Variants in FREM1 observed in about 807,000 individuals in gnomAD.
FREM1 encodes FRAS1 related extracellular matrix 1.
In FREM1, 220 loss-of-function variants were observed where a neutral mutation model predicts 210.1. The ratio of observed to expected loss-of-function variants is 1.05; its 90% CI spans 0.94 to 1.17. The LOEUF (loss-of-function observed/expected upper bound fraction) is 1.17, where lower values mean the gene tolerates loss of function less well. FREM1 is among the 50% of genes most tolerant of loss of function. The probability of loss-of-function intolerance (pLI) is 0.00; values close to 1 mark genes in which losing one functional copy is unlikely to be tolerated. For synonymous variants in FREM1, 1,189 were observed against 980.2 expected (o/e 1.21, Z -3.98); for missense variants, 3,454 against 2,675.5 (o/e 1.29, Z -6.42).
At chr9:14,824,535 C>T (rs1488245600) in intron 11 of FREM1, among the ~76,000 whole-genome samples, 1 of 152,070 alleles carries the variant, frequency 6.6e-6, no homozygotes, top group Non-Finnish European at 1.5e-5. Context: ...CATTGTCTTT[C>T]AAAAAGTGGA....
Position 14,805,103 on chromosome 9 carries a change from C to T in FREM1, c.3324G>A (p.Gln1108=), listed in dbSNP as rs1157928829. The change falls in exon 19 of 37, where the codon CAG becomes CAA. Residue 1108 remains glutamine, a synonymous_variant. Coordinates refer to ENST00000380880, the MANE Select transcript of FREM1 (RefSeq NM_001379081.2). ...DMNAFHINYV[Q]SRHLRIEPTA... ...TTGGTTCTATCCTCAGATGCCTGGACTGCACATAGTTAATGTGAAAAGCGT... is the reference window on the plus strand; with the variant it reads ...TTGGTTCTATCCTCAGATGCCTGGATTGCACATAGTTAATGTGAAAAGCGT... 2.5e-6 allele frequency: 4 copies of T among 1,610,450 alleles called. No individual in the cohort carries two copies. The Admixed American group carries it at 5.0e-5, about 20-fold the overall frequency.
At chr9:14,820,650 C>T (rs1373960458) in intron 13 of FREM1, among the ~76,000 whole-genome samples, 1 of 152,194 alleles carries the variant, frequency 6.6e-6, no homozygotes, top group Non-Finnish European at 1.5e-5. Context: ...CAAGGGCAGC[C>T]CCTTGCATCA....
chr9:14,751,047 T>A (rs1843278065), intron 29 of FREM1, among the ~76,000 whole-genome samples: 1 of 152,158 alleles, frequency 6.6e-6, no homozygotes, highest in African/African-American at 2.4e-5. Flanking sequence ...ACACAAAATA[T>A]TAAGACTGCA....
intron 1 of FREM1, among the ~76,000 whole-genome samples, chr9:14,888,594 A>G (rs60766447): frequency 0.14 from 21,689 of 152,212 alleles, 1,957 homozygotes; most frequent in Middle Eastern, 0.24. Context: ...CTTACACTAC[A>G]AGCCCAGGTT....
At chr9:14,842,062 T>C (rs1825785843) in intron 9 of FREM1, among the ~76,000 whole-genome samples, 1 of 152,176 alleles carries the variant, frequency 6.6e-6, no homozygotes, top group African/African-American at 2.4e-5. Flanking sequence ...TAATTTTTCA[T>C]AGTGTAATGG....
chr9:14,816,486 G>A (rs1415741988), intron 15 of FREM1, among the ~76,000 whole-genome samples: 1 of 152,104 alleles, frequency 6.6e-6, no homozygotes, highest in Non-Finnish European at 1.5e-5. Context: ...TGGGAGGTGG[G>A]AGGTTTATAG....
At chr9:14,786,214 A>C (rs906322166) in intron 23 of FREM1, among the ~76,000 whole-genome samples, 1 of 152,218 alleles carries the variant, frequency 6.6e-6, no homozygotes, top group African/African-American at 2.4e-5. Flanking sequence ...TGGTTACAAA[A>C]TTAATAAAAC....
chr9:14,859,969 T>G, intron 3 of FREM1, among the ~76,000 whole-genome samples: 1 of 152,156 alleles, frequency 6.6e-6, no homozygotes, highest in East Asian at 1.9e-4. Flanking sequence ...GTAAAAAGCA[T>G]ATTCAGCAAT....
chr9:14,816,616 G>C (rs926202239), intron 15 of FREM1, among the ~76,000 whole-genome samples, 162 bp downstream of exon 15: 1 of 152,142 alleles, frequency 6.6e-6, no homozygotes, highest in African/African-American at 2.4e-5. Flanking sequence ...GCAGCAAGAA[G>C]GCCCTCACTG....
rs372135088 is a variant in FREM1, at chr9:14,825,131, C to T, written c.1882-139G>A. 2.9e-5 allele frequency: 17 copies of T among 590,978 alleles called. No individual in the cohort carries two copies. The African/African-American group carries it at 3.1e-4, about 11-fold the overall frequency. 36.6% of individuals were successfully genotyped at this position (590,978 alleles called of 1,614,324 possible). A position where few individuals can be genotyped will look rare whatever the true frequency, so the allele number is the denominator to read the frequency against. ...ATACTTCTGTCAAATGATTCAGGAGCTATTAAGAATATGAGCCAAAAAATG... is the reference window on the plus strand; with the variant it reads ...ATACTTCTGTCAAATGATTCAGGAGTTATTAAGAATATGAGCCAAAAAATG... On this transcript the variant is annotated intron_variant, in intron 10 of 36. Coordinates refer to ENST00000380880, the MANE Select transcript of FREM1 (RefSeq NM_001379081.2).
intron 24 of FREM1, among the ~76,000 whole-genome samples, chr9:14,777,464 A>T (rs970480902): frequency 6.6e-6 from 1 of 152,204 alleles, no homozygotes; most frequent in Admixed American, 6.5e-5. Flanking sequence ...TAATCACAGA[A>T]TTGTGCCTTG....
At chr9:14,760,903 C>G (rs1251802160) in intron 27 of FREM1, among the ~76,000 whole-genome samples, 2 of 45,384 alleles carry the variant, frequency 4.4e-5, no homozygotes, top group African/African-American at 1.6e-4. Flanking sequence ...ATAAAAGACA[C>G]AAGCAACCTT....
chr9:14,797,781 T>G, intron 20 of FREM1, 139 bp from the exon 21 acceptor site: 1 of 585,472 alleles, frequency 1.7e-6, no homozygotes, highest in South Asian at 3.6e-5. Flanking sequence ...AAATTAAACT[T>G]GTTTTATGAA....
chr9:14,781,987 G>C (rs1332036752), intron 24 of FREM1, among the ~76,000 whole-genome samples: 1 of 152,210 alleles, frequency 6.6e-6, no homozygotes, highest in Non-Finnish European at 1.5e-5. Flanking sequence ...TTACAGGCGT[G>C]AGCCACTGCC....
rs764141416 is a variant in FREM1, at chr9:14,784,502, G to A, written c.4310C>T (p.Pro1437Leu). 9.3e-6 allele frequency: 15 copies of A among 1,613,872 alleles called. No individual in the cohort carries two copies. The highest frequency in any genetic ancestry group is 1.3e-5 in the African/African-American group (1 of 75,032). Residue 1437 changes from proline to leucine, a missense_variant, in exon 24 of 37, where the codon CCG (proline) becomes CTG (leucine). Coordinates refer to ENST00000380880, the MANE Select transcript of FREM1 (RefSeq NM_001379081.2). ...AACATATTCGATCTGGCCATATCGC[G>A]GAGGGGAGGTGATGACATAGAGCAG... ...EELLYVITSP[P>L]RYGQIEYVHY...
intron 27 of FREM1, among the ~76,000 whole-genome samples, chr9:14,764,122 G>A (rs1041425145): frequency 2.0e-5 from 3 of 152,266 alleles, no homozygotes; most frequent in African/African-American, 7.2e-5. Flanking sequence ...TAAGTCTCAC[G>A]AGATCTGATG....
At chr9:14,808,184 A>C (rs762206117) in intron 16 of FREM1, 50 bp from the exon 17 acceptor site, 4 of 1,245,938 alleles carry the variant, frequency 3.2e-6, no homozygotes, top group Non-Finnish European at 4.4e-6. Context: ...AATATAGAAT[A>C]CCAAGATGAA....
intron 15 of FREM1, 59 bp downstream of exon 15, chr9:14,816,719 T>C (rs1313881983): frequency 1.6e-5 from 13 of 821,382 alleles, no homozygotes; most frequent in Non-Finnish European, 2.2e-5. Flanking sequence ...TGTAGTATTG[T>C]GTTATGGCAG....
chr9:14,814,043 A>G (rs1473894202), intron 15 of FREM1, among the ~76,000 whole-genome samples: 1 of 151,924 alleles, frequency 6.6e-6, no homozygotes, highest in Non-Finnish European at 1.5e-5. Context: ...CCCCACCATC[A>G]CAGGGTCTCT....
Sources: gnomAD v4.1 joint callset for allele counts (sites outside exome capture counted in the v4.1 genomes callset) on GRCh38, gnomAD v4.1.1 for gene constraint, MANE v1.5 for transcripts, NCBI Gene and HGNC (gene_info 2026-07-23, HGNC 2026-07-21) for gene names.